The following COL22A1 variants were observed in gnomAD, a reference collection of about 807,000 sequenced individuals.
The protein encoded by COL22A1 is collagen alpha-1(XXII) chain.
COL22A1 carries 221 observed loss-of-function variants against 248.9 expected under a neutral mutation model. The ratio of observed to expected loss-of-function variants is 0.89; its 90% CI spans 0.80 to 0.99. The LOEUF (loss-of-function observed/expected upper bound fraction) is 0.99. COL22A1 is among the 50% of genes least tolerant of loss of function. The pLI is 0.00. For missense variants in COL22A1, 2,240 were observed against 2,179.0 expected, an observed-to-expected ratio of 1.03 and a Z score of -0.56; for synonymous variants, 891 against 793.4, an observed-to-expected ratio of 1.12 and a Z score of -2.07.
At chr8:138,782,480 G>A (rs1815101504) in intron 12 of COL22A1, among the ~76,000 whole-genome samples, 1 of 152,248 alleles carries the variant, frequency 6.6e-6, no homozygotes, top group Non-Finnish European at 1.5e-5. Context: ...GCCTCCCAAA[G>A]TGCTGGAATT....
intron 6 of COL22A1, 122 bp from the exon 7 acceptor site, chr8:138,821,533 AC>A: frequency 1.0e-6 from 1 of 1,003,898 alleles, no homozygotes; most frequent in Non-Finnish European, 1.5e-6. Context: ...TGTGACTCTT[AC>A]CAGCTGGTCA....
chr8:138,785,771 G>A (rs1006395214), intron 12 of COL22A1, among the ~76,000 whole-genome samples: 27 of 152,152 alleles, frequency 1.8e-4, no homozygotes, highest in African/African-American at 5.1e-4. Context: ...AATTTCTCTC[G>A]TCCACAAGAT....
chr8:138,802,969 AG>A, intron 10 of COL22A1, 35 bp from the exon 11 acceptor site: 2 of 1,568,300 alleles, frequency 1.3e-6, no homozygotes, highest in Non-Finnish European at 1.8e-6. Flanking sequence ...GCATCAGATT[AG>A]GTTTCCCGAC....
At chr8:138,661,016 A>C (rs1823887467) in intron 43 of COL22A1, among the ~76,000 whole-genome samples, 1 of 118,682 alleles carries the variant, frequency 8.4e-6, no homozygotes, top group African/African-American at 3.1e-5. Context: ...AGACACACAC[A>C]CGCACATACA....
At chr8:138,779,131 C>T (rs1814733556) in intron 14 of COL22A1, among the ~76,000 whole-genome samples, 1 of 151,988 alleles carries the variant, frequency 6.6e-6, no homozygotes, top group Non-Finnish European at 1.5e-5. Context: ...TCCTTAGGAC[C>T]ATAAATAGGG....
At chr8:138,622,631 G>A (rs574776705) in intron 52 of COL22A1, among the ~76,000 whole-genome samples, 85 of 152,200 alleles carry the variant, frequency 5.6e-4, no homozygotes, top group African/African-American at 1.9e-3. Context: ...ACTTTTATGC[G>A]GGTTTTATGG....
At chr8:138,689,158 CG>C (rs375913019) in intron 36 of COL22A1, among the ~76,000 whole-genome samples, 188 bp from the exon 37 acceptor site, 17 of 143,748 alleles carry the variant, frequency 1.2e-4, no homozygotes, top group African/African-American at 4.1e-4. Flanking sequence ...GCTGCTCTCC[CG>C]GGGGGGGGGC....
At chr8:138,848,276 C>T (rs796848661) in intron 3 of COL22A1, among the ~76,000 whole-genome samples, 12 of 152,290 alleles carry the variant, frequency 7.9e-5, no homozygotes, top group African/African-American at 2.6e-4. Context: ...AATCATTTTC[C>T]TTCACTCTCT....
intron 3 of COL22A1, among the ~76,000 whole-genome samples, chr8:138,855,917 T>C (rs1217873330): frequency 6.6e-6 from 1 of 152,186 alleles, no homozygotes; most frequent in East Asian, 1.9e-4. Flanking sequence ...TGGCCTTCCC[T>C]GCTGTGGAAG....
At chr8:138,658,636 T>A (rs1277993027) in intron 44 of COL22A1, among the ~76,000 whole-genome samples, 2 of 152,220 alleles carry the variant, frequency 1.3e-5, no homozygotes, top group Non-Finnish European at 2.9e-5. Context: ...CTCCTTCCTG[T>A]GCACCTTTTT....
intron 49 of COL22A1, among the ~76,000 whole-genome samples, chr8:138,632,713 C>A (rs1820831542): frequency 6.6e-6 from 1 of 152,228 alleles, no homozygotes; most frequent in Non-Finnish European, 1.5e-5. Context: ...ACTCCTGGGG[C>A]AGGGTGCAAT....
chr8:138,842,263 C>A (rs964456300), intron 4 of COL22A1, among the ~76,000 whole-genome samples: 2 of 152,130 alleles, frequency 1.3e-5, no homozygotes, highest in African/African-American at 4.8e-5. Context: ...TGAGGAAATG[C>A]GTGCAAACCC....
At chr8:138,644,676 T>A (rs1822036948) in intron 47 of COL22A1, among the ~76,000 whole-genome samples, 1 of 152,222 alleles carries the variant, frequency 6.6e-6, no homozygotes, top group Non-Finnish European at 1.5e-5. Flanking sequence ...ATGCTAATGC[T>A]GCCATTTTTT....
intron 32 of COL22A1, among the ~76,000 whole-genome samples, chr8:138,698,348 G>C (rs1484524024): frequency 1.3e-5 from 2 of 152,198 alleles, no homozygotes; most frequent in Admixed American, 1.3e-4. Context: ...CTATCTCGCT[G>C]GTAGGGCCTT....
chr8:138,606,604 G>C (rs1321101463), intron 57 of COL22A1, 152 bp from the exon 58 acceptor site: 15 of 744,272 alleles, frequency 2.0e-5, no homozygotes, highest in Non-Finnish European at 4.5e-6. Context: ...GTTAGGAAAA[G>C]ACACGGGGTC....
At position 138,877,959 on chromosome 8, in the gene COL22A1, G is replaced by C. The variant is rs2132042409; in HGVS notation, c.449C>G (p.Thr150Ser). Residue 150 changes from threonine (T) to serine (S), a missense_variant, in exon 3 of 65, where the codon ACC (threonine) becomes AGC (serine). By Grantham distance (58) the Thr-to-Ser change is moderately conservative (BLOSUM62 1). Transcript: ENST00000303045. Reference protein sequence around the residue: ...RAYKQVAILLTDGRSQDLVLD... With the variant: ...RAYKQVAILLSDGRSQDLVLD... ...CACCAGGTCCTGGCTGCGGCCGTCG[G>C]TGAGCAGGATGGCCACCTGCTTGTA... 1.3e-6 allele frequency: 2 copies of C among 1,594,478 alleles called. No individual in the cohort carries two copies. Among genetic ancestry groups the C allele is most frequent in the East Asian group, 4.6e-5 (2 of 43,836 alleles).
At chr8:138,593,597 TC>T (rs1817271873) in intron 63 of COL22A1, among the ~76,000 whole-genome samples, 1 of 152,100 alleles carries the variant, frequency 6.6e-6, no homozygotes, top group African/African-American at 2.4e-5. Flanking sequence ...AGCTCTGATG[TC>T]CTGATAAGTC....
chr8:138,748,505 T>C (rs886929411), intron 22 of COL22A1, among the ~76,000 whole-genome samples: 2 of 152,230 alleles, frequency 1.3e-5, no homozygotes, highest in Non-Finnish European at 2.9e-5. Flanking sequence ...CACTGGTGGC[T>C]GTGCTGTATC....
chr8:138,844,516 A>G (rs1024095691), intron 3 of COL22A1, among the ~76,000 whole-genome samples: 5 of 152,212 alleles, frequency 3.3e-5, no homozygotes, highest in Admixed American at 6.5e-5. Context: ...TGGGGGGTTC[A>G]GGACACAGAT....
Sources: allele counts gnomAD v4.1 joint callset (sites outside exome capture counted in the v4.1 genomes callset), GRCh38; gene constraint gnomAD v4.1.1; transcripts MANE v1.5; gene names NCBI Gene and HGNC (gene_info 2026-07-23, HGNC 2026-07-21).